The following LPAR1 variants were observed in gnomAD, a reference collection of about 807,000 sequenced individuals.
LPAR1 encodes LPA receptor 1.
A neutral mutation model predicts 23.8 loss-of-function variants in LPAR1; 5 were observed. The ratio of observed to expected loss-of-function variants is 0.21; its 90% CI spans 0.11 to 0.44. LPAR1 has a LOEUF of 0.44. Among genes scored for constraint, LPAR1 ranks in the 20% least tolerant of loss-of-function variants. The pLI, the probability that LPAR1 is intolerant of heterozygous loss-of-function variation, is 0.99. For missense variants in LPAR1, 311 were observed against 482.8 expected (o/e 0.64, Z 3.33); for synonymous variants, 160 against 164.7 (o/e 0.97, Z 0.22).
At chr9:110,878,958 G>T (rs965541034) in intron 5 of LPAR1, among the ~76,000 whole-genome samples, 5 of 152,122 alleles carry the variant, frequency 3.3e-5, no homozygotes, top group Non-Finnish European at 7.4e-5. Context: ...AAATCATTTT[G>T]GAGGTTCTCA....
chr9:110,977,428 T>C (rs1463054280), intron 2 of LPAR1, among the ~76,000 whole-genome samples: 2 of 152,160 alleles, frequency 1.3e-5, no homozygotes, highest in African/African-American at 4.8e-5. Flanking sequence ...CCTTGCTAAT[T>C]ACTGAGTGCC....
intron 2 of LPAR1, among the ~76,000 whole-genome samples, chr9:110,986,446 T>C (rs1473772349): frequency 6.6e-6 from 1 of 152,138 alleles, no homozygotes; most frequent in Non-Finnish European, 1.5e-5. Flanking sequence ...GGCTCATGCC[T>C]GTAATTCCAG....
intron 4 of LPAR1, among the ~76,000 whole-genome samples, chr9:110,963,574 G>A (rs2096079656): frequency 6.6e-6 from 1 of 151,964 alleles, no homozygotes; most frequent in South Asian, 2.1e-4. Context: ...CGAGTTAATG[G>A]GTGCAGAACA....
intron 5 of LPAR1, among the ~76,000 whole-genome samples, chr9:110,899,019 C>A (rs910699783): frequency 6.6e-6 from 1 of 152,122 alleles, no homozygotes; most frequent in Non-Finnish European, 1.5e-5. Context: ...GGACAAACAT[C>A]GGCTAATTCT....
At chr9:110,990,064 C>T (rs1223888162) in intron 2 of LPAR1, among the ~76,000 whole-genome samples, 1 of 151,928 alleles carries the variant, frequency 6.6e-6, no homozygotes, top group Non-Finnish European at 1.5e-5. Context: ...GATGACATAA[C>T]AATCCTAAAA....
intron 5 of LPAR1, among the ~76,000 whole-genome samples, chr9:110,930,842 G>A (rs1292009803): frequency 2.0e-5 from 3 of 152,032 alleles, no homozygotes; most frequent in Non-Finnish European, 4.4e-5. Context: ...TTGAACCCGG[G>A]AGGCAGATGT....
intron 5 of LPAR1, among the ~76,000 whole-genome samples, chr9:110,901,872 A>G (rs2089214072): frequency 6.6e-6 from 1 of 152,182 alleles, no homozygotes; most frequent in South Asian, 2.1e-4. Flanking sequence ...TTTTTTCTAT[A>G]ATGAGTAGTC....
chr9:110,896,792 T>TTC (rs991312218), intron 5 of LPAR1, among the ~76,000 whole-genome samples: 7 of 149,994 alleles, frequency 4.7e-5, no homozygotes, highest in Admixed American at 3.3e-4. Flanking sequence ...GAAATCTTTT[T>TTC]TTTTTTTTTT....
chr9:110,941,497 C>G lies in LPAR1; in HGVS notation c.717G>C (p.Met239Ile). 1 of 1,613,986 alleles carries G rather than the reference C, an allele frequency of 6.2e-7. No homozygotes were observed. The highest frequency in any genetic ancestry group is 8.5e-7 in the Non-Finnish European group (1 of 1,179,856). Residue 239 changes from methionine to isoleucine, a missense_variant, in exon 5 of 6, where the codon ATG becomes ATC. Met to Ile is a conservative substitution (Grantham distance 10). Transcript: ENST00000683809. The surrounding 1 kb of genome is among the most constrained non-coding windows in gnomAD (Gnocchi z 6.1). ...FGYVRQRTMRMSRHSSGPRRN... is the reference protein window; with the variant it reads ...FGYVRQRTMRISRHSSGPRRN... ...GCCGGGGTCCAGAACTATGCCGAGACATTCTCATAGTCCTCTGGCGAACAT... is the reference window on the plus strand; with the variant it reads ...GCCGGGGTCCAGAACTATGCCGAGAGATTCTCATAGTCCTCTGGCGAACAT...
rs114688394 is a variant in LPAR1 at position 110,939,481 on chromosome 9, C to T, written c.793+1940G>A. Among the ~76,000 whole-genome samples the T allele has an allele frequency of 8.2e-3, 1,252 of 152,288 alleles. 11 individuals are homozygous for T. Among genetic ancestry groups the T allele is most frequent in the African/African-American group, 0.028 (1,179 of 41,550 alleles). On this transcript the variant is annotated intron_variant, in intron 5 of 5. Transcript: ENST00000683809. ...ATGCTCTTTATTCCAGAGATGTCAA[C>T]TGCATTCGATCTTTGTGGAGTATAC...
intron 2 of LPAR1, among the ~76,000 whole-genome samples, chr9:111,022,629 C>T (rs958563578): frequency 1.1e-4 from 17 of 152,164 alleles, no homozygotes; most frequent in African/African-American, 4.1e-4. Flanking sequence ...TAATTTCTTA[C>T]AAATTATGCA....
At position 110,999,443 on chromosome 9, in the gene LPAR1, C is replaced by T. The variant is rs534981626; in HGVS notation, c.-181-25885G>A. Reference sequence around the variant, plus strand: ...GCAGGAATGAGTAGCAGCAGCATCCCCACACCATGCAGCCCTGCTTTCTAA... The same window carrying T: ...GCAGGAATGAGTAGCAGCAGCATCCTCACACCATGCAGCCCTGCTTTCTAA... On this transcript the variant is annotated intron_variant, in intron 2 of 5. Transcript: ENST00000683809. 3 of 455,952 alleles carry T rather than the reference C, an allele frequency of 6.6e-6. No homozygotes were observed. In the East Asian group the frequency reaches 2.1e-4, roughly 32 times the overall value. 28.2% of individuals were successfully genotyped at this position (455,952 alleles called of 1,614,324 possible). A position where few individuals can be genotyped will look rare whatever the true frequency, so the allele number is the denominator to read the frequency against.
At chr9:110,907,862 C>T (rs1014494804) in intron 5 of LPAR1, among the ~76,000 whole-genome samples, 2 of 150,696 alleles carry the variant, frequency 1.3e-5, no homozygotes, top group South Asian at 4.2e-4. Flanking sequence ...TGATTTACAT[C>T]GGTTTAATTG....
At chr9:110,907,493 G>T (rs2091525598) in intron 5 of LPAR1, among the ~76,000 whole-genome samples, 1 of 152,096 alleles carries the variant, frequency 6.6e-6, no homozygotes, top group Admixed American at 6.6e-5. Context: ...TAATCAGACT[G>T]ACCCCCGACT....
chr9:110,961,188 A>C (rs2137324263), intron 4 of LPAR1, among the ~76,000 whole-genome samples: 2 of 144,516 alleles, frequency 1.4e-5, no homozygotes, highest in South Asian at 4.5e-4. Flanking sequence ...AGATACTGAG[A>C]GCAATTCATT....
intron 4 of LPAR1, among the ~76,000 whole-genome samples, chr9:110,946,112 T>C (rs2095367526): frequency 1.3e-5 from 2 of 152,008 alleles, no homozygotes; most frequent in South Asian, 2.1e-4. Flanking sequence ...AAAGGAAGTA[T>C]AAAAATTCCA....
At chr9:111,025,131 T>C (rs1158374261) in intron 2 of LPAR1, among the ~76,000 whole-genome samples, 1 of 152,212 alleles carries the variant, frequency 6.6e-6, no homozygotes, top group African/African-American at 2.4e-5. Flanking sequence ...CCACACTGTC[T>C]TCCACAATGG....
intron 2 of LPAR1, among the ~76,000 whole-genome samples, chr9:111,023,067 A>C (rs1264311955): frequency 6.6e-6 from 1 of 151,398 alleles, no homozygotes; most frequent in Non-Finnish European, 1.5e-5. Context: ...AAAAAAAAAA[A>C]AAAAAAAAAA....
chr9:110,949,723 T>G (rs2095508791), intron 4 of LPAR1, among the ~76,000 whole-genome samples: 1 of 152,232 alleles, frequency 6.6e-6, no homozygotes, highest in East Asian at 1.9e-4. Context: ...AGACCATAAA[T>G]GAGAGTTTCT....
Sources: gnomAD v4.1 joint callset for allele counts (sites outside exome capture counted in the v4.1 genomes callset) on GRCh38, gnomAD v4.1.1 for gene constraint, Gnocchi (gnomAD v3.1) non-coding constraint, MANE v1.5 for transcripts, NCBI Gene and HGNC (gene_info 2026-07-23, HGNC 2026-07-21) for gene names.